Variants in CACHD1 observed in about 807,000 individuals in gnomAD.
The protein encoded by CACHD1 is VWFA and cache domain-containing protein 1.
In CACHD1, 71 loss-of-function variants were observed where a neutral mutation model predicts 138.7. The ratio of observed to expected loss-of-function variants is 0.51; its 90% CI spans 0.42 to 0.62. The LOEUF is 0.62. CACHD1 is among the 20% of genes least tolerant of loss of function. CACHD1 has a pLI of 0.00. For synonymous variants in CACHD1, 578 were observed against 591.5 expected, an observed-to-expected ratio of 0.98 and a Z score of 0.33; for missense variants, 1,389 against 1,625.3, an observed-to-expected ratio of 0.85 and a Z score of 2.50.
At chr1:64,612,457 G>A (rs1033953508) in intron 4 of CACHD1, among the ~76,000 whole-genome samples, 6 of 152,188 alleles carry the variant, frequency 3.9e-5, no homozygotes, top group East Asian at 1.9e-4. Flanking sequence ...GTTACTTATC[G>A]TCGTTGTTGC....
At chr1:64,490,744 A>G (rs1646270068) in intron 1 of CACHD1, among the ~76,000 whole-genome samples, 1 of 152,216 alleles carries the variant, frequency 6.6e-6, no homozygotes, top group Admixed American at 6.5e-5. Flanking sequence ...CTTGATCTGT[A>G]AAATAGGGAT....
chr1:64,480,609 A>C (rs1646202568), intron 1 of CACHD1, among the ~76,000 whole-genome samples: 1 of 152,074 alleles, frequency 6.6e-6, no homozygotes, highest in East Asian at 1.9e-4. Flanking sequence ...TTTTTTTTTT[A>C]AGTGCAAAGG....
intron 1 of CACHD1, among the ~76,000 whole-genome samples, chr1:64,476,752 G>A (rs1646176486): frequency 1.3e-5 from 2 of 152,160 alleles, no homozygotes; most frequent in Non-Finnish European, 2.9e-5. Context: ...TATTCCTTGT[G>A]CTTATTATGT....
At chr1:64,682,175 C>A in intron 26 of CACHD1, 69 bp downstream of exon 26, 1 of 1,362,134 alleles carries the variant, frequency 7.3e-7, no homozygotes, top group Non-Finnish European at 1.0e-6. Flanking sequence ...GATGCTCACA[C>A]CCTATTTTGA....
At chr1:64,581,593 C>T (rs955738505) in intron 2 of CACHD1, among the ~76,000 whole-genome samples, 1 of 152,182 alleles carries the variant, frequency 6.6e-6, no homozygotes, top group African/African-American at 2.4e-5. Context: ...AAGTATATTT[C>T]TAAGTGTGCA....
intron 5 of CACHD1, among the ~76,000 whole-genome samples, chr1:64,630,080 C>G (rs771953256): frequency 1.3e-5 from 2 of 152,144 alleles, no homozygotes; most frequent in Non-Finnish European, 2.9e-5. Flanking sequence ...ATTATAGAAC[C>G]CCCCCGAAGC....
At chr1:64,558,203 T>C (rs1646812670) in intron 2 of CACHD1, among the ~76,000 whole-genome samples, 1 of 152,266 alleles carries the variant, frequency 6.6e-6, no homozygotes, top group African/African-American at 2.4e-5. Context: ...TTTACTTAAC[T>C]AACATTAGTG....
chr1:64,547,465 G>A (rs1193102799), intron 1 of CACHD1, among the ~76,000 whole-genome samples: 1 of 152,002 alleles, frequency 6.6e-6, no homozygotes, highest in Non-Finnish European at 1.5e-5. Flanking sequence ...TCCTGGGTTC[G>A]AGCAATTCTC....
intron 1 of CACHD1, among the ~76,000 whole-genome samples, chr1:64,524,064 T>C (rs1646518668): frequency 6.6e-6 from 1 of 152,196 alleles, no homozygotes; most frequent in African/African-American, 2.4e-5. Flanking sequence ...AATTATTCTA[T>C]GCTTTATTCT....
intron 1 of CACHD1, among the ~76,000 whole-genome samples, chr1:64,523,813 G>T (rs1043599045): frequency 1.1e-5 from 1 of 89,298 alleles, no homozygotes; most frequent in Non-Finnish European, 2.2e-5. Flanking sequence ...ACTTGGGGTC[G>T]AACGATATTC....
At chr1:64,569,524 G>A (rs1014656622) in intron 2 of CACHD1, among the ~76,000 whole-genome samples, 1 of 152,110 alleles carries the variant, frequency 6.6e-6, no homozygotes, top group East Asian at 1.9e-4. Flanking sequence ...TGCTTCTTTA[G>A]GGGGAATGGG....
At chr1:64,650,898 C>G (rs957575731) in intron 9 of CACHD1, among the ~76,000 whole-genome samples, 5 of 152,110 alleles carry the variant, frequency 3.3e-5, no homozygotes, top group African/African-American at 1.2e-4. Context: ...CATTTTATCT[C>G]ACCTCCCCCC....
intron 3 of CACHD1, among the ~76,000 whole-genome samples, chr1:64,597,158 T>C (rs1647159822): frequency 6.6e-6 from 1 of 152,148 alleles, no homozygotes; most frequent in Non-Finnish European, 1.5e-5. Context: ...GAAAAGTTGA[T>C]TTACACTGTG....
intron 4 of CACHD1, among the ~76,000 whole-genome samples, chr1:64,624,998 A>G (rs1486196799): frequency 4.6e-5 from 7 of 152,316 alleles, no homozygotes; most frequent in Non-Finnish European, 1.0e-4. Flanking sequence ...ACAAATGTCT[A>G]TGTCTGCCCT....
chr1:64,670,271 C>G (rs906591006), intron 16 of CACHD1, among the ~76,000 whole-genome samples: 1 of 152,194 alleles, frequency 6.6e-6, no homozygotes, highest in East Asian at 1.9e-4. Flanking sequence ...GACCCCATCT[C>G]TTACAAAAAT....
At chr1:64,651,067 T>G (rs1333500973) in intron 9 of CACHD1, among the ~76,000 whole-genome samples, 5 of 152,148 alleles carry the variant, frequency 3.3e-5, no homozygotes, top group Non-Finnish European at 7.4e-5. Flanking sequence ...CCTGTGTGCT[T>G]TGCCCTTTCC....
At chr1:64,664,396 C>G in intron 14 of CACHD1, 102 bp from the exon 15 acceptor site, 1 of 1,134,484 alleles carries the variant, frequency 8.8e-7, no homozygotes, top group Non-Finnish European at 1.3e-6. Flanking sequence ...AGTAATTCGG[C>G]TTGGCTTCTC....
chr1:64,500,745 A>T (rs6670749), intron 1 of CACHD1, among the ~76,000 whole-genome samples: 6 of 67,386 alleles, frequency 8.9e-5, no homozygotes, highest in South Asian at 6.2e-4. Context: ...AGAGAGAGAG[A>T]GAGAGAGAGA....
rs529796571 is a variant in CACHD1, at chr1:64,471,071, C to A, written c.198+129C>A. Reference sequence around the variant, plus strand: ...GCATACATAGAGCCCGGCTTCCCGTCGGACCCCTCTGTCCTCTGCACAGAC... The same window carrying A: ...GCATACATAGAGCCCGGCTTCCCGTAGGACCCCTCTGTCCTCTGCACAGAC... On this transcript the variant is annotated intron_variant, in intron 1 of 26. Coordinates refer to ENST00000651257, the MANE Select transcript of CACHD1 (RefSeq NM_020925.4). 3.3e-5 allele frequency: 29 copies of A among 892,014 alleles called. No homozygotes were observed. In the East Asian group the frequency reaches 6.9e-4, roughly 21 times the overall value. The allele number at this position is 892,014 out of a possible 1,614,324, so 55.3% of individuals were successfully genotyped here.
Sources: allele counts gnomAD v4.1 joint callset (sites outside exome capture counted in the v4.1 genomes callset), GRCh38; gene constraint gnomAD v4.1.1; transcripts MANE v1.5; gene names NCBI Gene and HGNC (gene_info 2026-07-23, HGNC 2026-07-21).